The following SLC39A11 variants were observed in gnomAD, a reference collection of about 807,000 sequenced individuals.
SLC39A11 encodes solute carrier family 39 member 11, also known as zinc transporter ZIP11.
In SLC39A11, 33 loss-of-function variants were observed where a neutral mutation model predicts 36.1. The observed-to-expected ratio is 0.91, with a 90% CI of 0.69 to 1.22. The LOEUF (loss-of-function observed/expected upper bound fraction) is 1.22, where lower values mean the gene tolerates loss of function less well. Among genes scored for constraint, SLC39A11 ranks in the 50% most tolerant of loss-of-function variants. The pLI is 0.00. For synonymous variants in SLC39A11, 166 were observed against 170.3 expected, an observed-to-expected ratio of 0.97 and a Z score of 0.20; for missense variants, 432 against 430.3, an observed-to-expected ratio of 1.00 and a Z score of -0.03.
At chr17:72,651,442 G>A (rs1024025029) in intron 7 of SLC39A11, among the ~76,000 whole-genome samples, 2 of 152,218 alleles carry the variant, frequency 1.3e-5, no homozygotes, top group African/African-American at 2.4e-5. Flanking sequence ...GGTGCTTACT[G>A]TATACAAGAT....
At chr17:72,885,210 T>G (rs2081385095) in intron 5 of SLC39A11, among the ~76,000 whole-genome samples, 1 of 152,224 alleles carries the variant, frequency 6.6e-6, no homozygotes, top group Non-Finnish European at 1.5e-5. Context: ...TCCTCAGTTT[T>G]TGCCTCCTCT....
chr17:72,849,615 C>T lies in SLC39A11; in HGVS notation c.601+19G>A. 6.8e-7 allele frequency: 1 copy of T among 1,465,872 alleles called. No individual in the cohort carries two copies. Among genetic ancestry groups the T allele is most frequent in the South Asian group, 1.5e-5 (1 of 67,480 alleles). The allele number at this position is 1,465,872 out of a possible 1,614,324, so 90.8% of individuals were successfully genotyped here. ...TTACCTTCAGGCAGTGGCTGTCACG[C>T]TCACGGGCAAGACCTCACCTGGAAC... On this transcript the variant is annotated intron_variant, in intron 6 of 9. Coordinates refer to ENST00000255559, the MANE Select transcript of SLC39A11 (RefSeq NM_139177.4).
At chr17:72,773,370 T>TG (rs1002909049) in intron 6 of SLC39A11, among the ~76,000 whole-genome samples, 1 of 152,156 alleles carries the variant, frequency 6.6e-6, no homozygotes, top group African/African-American at 2.4e-5. Flanking sequence ...AATTGAGTCA[T>TG]GGGGGTGGCT....
At chr17:72,659,864 G>A (rs1567914348) in intron 7 of SLC39A11, among the ~76,000 whole-genome samples, 1 of 152,174 alleles carries the variant, frequency 6.6e-6, no homozygotes, top group Admixed American at 6.5e-5. Context: ...GGCTCCCAAA[G>A]TGTTGGGATT....
intron 4 of SLC39A11, among the ~76,000 whole-genome samples, chr17:72,968,189 C>T (rs921022445): frequency 1.3e-5 from 2 of 152,134 alleles, no homozygotes; most frequent in South Asian, 2.1e-4. Context: ...ACCCCATGAG[C>T]TAAGCGGGAA....
At chr17:73,076,904 C>T (rs531818323) in intron 3 of SLC39A11, among the ~76,000 whole-genome samples, 1 of 151,172 alleles carries the variant, frequency 6.6e-6, no homozygotes, top group East Asian at 1.9e-4. Flanking sequence ...ATGACTGGCA[C>T]TTGGGGCTGG....
chr17:73,021,875 C>T (rs944020293), intron 4 of SLC39A11, among the ~76,000 whole-genome samples: 2 of 152,246 alleles, frequency 1.3e-5, no homozygotes, highest in Non-Finnish European at 2.9e-5. Context: ...CTCCCCACCA[C>T]TCTTAGACCA....
chr17:72,669,224 G>A (rs919262708), intron 7 of SLC39A11, among the ~76,000 whole-genome samples: 8 of 152,170 alleles, frequency 5.3e-5, no homozygotes, highest in African/African-American at 9.7e-5. Context: ...ACTGTAAGAC[G>A]ATGATCAAAA....
intron 4 of SLC39A11, among the ~76,000 whole-genome samples, chr17:73,019,277 G>A (rs1455789399): frequency 6.6e-6 from 1 of 152,126 alleles, no homozygotes; most frequent in Non-Finnish European, 1.5e-5. Flanking sequence ...AAAGTACATG[G>A]AAAAGTCAAG....
At chr17:72,811,002 T>A (rs2077419487) in intron 6 of SLC39A11, among the ~76,000 whole-genome samples, 1 of 152,018 alleles carries the variant, frequency 6.6e-6, no homozygotes, top group African/African-American at 2.4e-5. Flanking sequence ...CCCGTAAAAA[T>A]TCTTTAAGTT....
At chr17:72,771,038 G>A (rs1033922049) in intron 6 of SLC39A11, among the ~76,000 whole-genome samples, 8 of 151,166 alleles carry the variant, frequency 5.3e-5, no homozygotes, top group African/African-American at 2.0e-4. Context: ...TTTACGACAT[G>A]CCAGGTACCA....
At chr17:72,708,163 G>A (rs1297618605) in intron 7 of SLC39A11, among the ~76,000 whole-genome samples, 1 of 152,146 alleles carries the variant, frequency 6.6e-6, no homozygotes, top group Non-Finnish European at 1.5e-5. Flanking sequence ...AACTTGACTG[G>A]GCCAGGAGGT....
chr17:73,047,990 A>AAAAAAAATAT (rs1555693446), intron 3 of SLC39A11, among the ~76,000 whole-genome samples: 4 of 58,676 alleles, frequency 6.8e-5, no homozygotes, highest in Non-Finnish European at 9.0e-5. Context: ...AAAAAAAAAA[A>AAAAAAAATAT]ATATATATAT....
intron 5 of SLC39A11, among the ~76,000 whole-genome samples, chr17:72,873,535 T>C (rs1440180341): frequency 6.6e-6 from 1 of 152,210 alleles, no homozygotes; most frequent in Non-Finnish European, 1.5e-5. Flanking sequence ...TTTCTGGGCA[T>C]CAGTCAACTG....
intron 5 of SLC39A11, among the ~76,000 whole-genome samples, chr17:72,897,411 T>G (rs554764492): frequency 2.2e-4 from 34 of 152,348 alleles, no homozygotes; most frequent in African/African-American, 7.2e-4. Context: ...GTGAAGCTAG[T>G]GGCATCTGTA....
chr17:72,853,972 C>T (rs2079504860), intron 5 of SLC39A11, among the ~76,000 whole-genome samples: 1 of 152,002 alleles, frequency 6.6e-6, no homozygotes, highest in Admixed American at 6.6e-5. Flanking sequence ...AAGGTTTGGG[C>T]ACTTTTGAAG....
intron 7 of SLC39A11, among the ~76,000 whole-genome samples, chr17:72,686,942 C>G (rs2071780428): frequency 6.6e-6 from 1 of 152,186 alleles, no homozygotes; most frequent in African/African-American, 2.4e-5. Flanking sequence ...ATACAGACTC[C>G]CAAGAGGCTT....
At chr17:72,653,310 T>C (rs564065802) in intron 7 of SLC39A11, among the ~76,000 whole-genome samples, 1 of 151,628 alleles carries the variant, frequency 6.6e-6, no homozygotes, top group South Asian at 2.1e-4. Flanking sequence ...GGTTTCAGAA[T>C]ATTAGCCAGG....
At chr17:72,926,963 C>A (rs1484157205) in intron 5 of SLC39A11, among the ~76,000 whole-genome samples, 1 of 152,100 alleles carries the variant, frequency 6.6e-6, no homozygotes, top group Non-Finnish European at 1.5e-5. Context: ...GAGACCACTA[C>A]CCTGATTTGA....
Sources: gnomAD v4.1 joint callset for allele counts (sites outside exome capture counted in the v4.1 genomes callset) on GRCh38, gnomAD v4.1.1 for gene constraint, MANE v1.5 for transcripts, NCBI Gene and HGNC (gene_info 2026-07-23, HGNC 2026-07-21) for gene names.